TSPAN18: variants seen among roughly 807,000 people sequenced by gnomAD.
TSPAN18 encodes the protein tetraspanin-18.
TSPAN18 carries 14 observed loss-of-function variants against 27.3 expected under a neutral mutation model. That is an observed-to-expected ratio of 0.51 (90% CI 0.34 to 0.80). TSPAN18 has a LOEUF of 0.80. Ranked by LOEUF, TSPAN18 falls within the 30% of genes least tolerant of loss-of-function variation. The pLI is 0.01. For synonymous variants in TSPAN18, 143 were observed against 136.5 expected (o/e 1.05, Z -0.33); for missense variants, 268 against 323.9 (o/e 0.83, Z 1.32).
chr11:44,804,530 G>A (rs1856550667), intron 2 of TSPAN18, among the ~76,000 whole-genome samples: 1 of 152,146 alleles, frequency 6.6e-6, no homozygotes, highest in African/African-American at 2.4e-5. Flanking sequence ...AAAGGAGGGA[G>A]GGAAGGAGGG....
intron 2 of TSPAN18, among the ~76,000 whole-genome samples, chr11:44,853,902 C>CAGGGG (rs1258705561): frequency 6.6e-6 from 1 of 151,900 alleles, no homozygotes; most frequent in East Asian, 1.9e-4. Context: ...AATGAGAGGG[C>CAGGGG]AGGGGAGGGA....
At chr11:44,928,356 C>T (rs774737784) in intron 9 of TSPAN18, among the ~76,000 whole-genome samples, 6 of 152,224 alleles carry the variant, frequency 3.9e-5, no homozygotes, top group African/African-American at 2.4e-5. Context: ...TCACCACCTT[C>T]CTGTGAGCTG....
chr11:44,741,014 CG>C (rs1329619050), intron 1 of TSPAN18, among the ~76,000 whole-genome samples: 2 of 152,148 alleles, frequency 1.3e-5, no homozygotes, highest in Admixed American at 1.3e-4. Flanking sequence ...ATCCGCATCA[CG>C]GGAGTGGGGC....
At chr11:44,731,629 T>TGAGAGAGAGA (rs1192833022) in intron 1 of TSPAN18, among the ~76,000 whole-genome samples, 3 of 62,188 alleles carry the variant, frequency 4.8e-5, no homozygotes, top group Non-Finnish European at 9.9e-5. Flanking sequence ...TGTGTGTGTG[T>TGAGAGAGAGA]GTGTGAGAGA....
chr11:44,846,083 C>T (rs182504677), intron 2 of TSPAN18, among the ~76,000 whole-genome samples: 22 of 152,330 alleles, frequency 1.4e-4, no homozygotes, highest in Admixed American at 4.6e-4. Flanking sequence ...GGCACTGTGC[C>T]GAGTACTTTG....
intron 8 of TSPAN18, among the ~76,000 whole-genome samples, chr11:44,924,097 TTGTG>T (rs57394106): frequency 1.9e-3 from 282 of 145,136 alleles, no homozygotes; most frequent in Non-Finnish European, 2.7e-3. Flanking sequence ...CCTTCTGGGG[TTGTG>T]TGTGTGTGTG....
rs139190430 is a variant in TSPAN18, at chr11:44,833,934, A to G, written c.-152-26394A>G. ...CTTTGTCCATAACCTGCCTGCCCAAAGAGAGCCTGCTGGGCAGGTAAATAA... is the reference window on the plus strand; with the variant it reads ...CTTTGTCCATAACCTGCCTGCCCAAGGAGAGCCTGCTGGGCAGGTAAATAA... On this transcript the variant is annotated intron_variant, in intron 2 of 9. Transcript: ENST00000520358. Among the ~76,000 whole-genome samples, 1,207 of 151,928 alleles carry G rather than the reference A, an allele frequency of 7.9e-3. 11 individuals are homozygous for G. Among genetic ancestry groups the G allele is most frequent in the Middle Eastern group, 0.051 (15 of 294 alleles).
At chr11:44,794,078 G>A (rs952130113) in intron 2 of TSPAN18, among the ~76,000 whole-genome samples, 1 of 152,190 alleles carries the variant, frequency 6.6e-6, no homozygotes, top group African/African-American at 2.4e-5. Context: ...CCAGGAATCA[G>A]CCATTAGAGG....
At chr11:44,773,740 C>T (rs562281023) in intron 2 of TSPAN18, among the ~76,000 whole-genome samples, 32 of 152,266 alleles carry the variant, frequency 2.1e-4, no homozygotes, top group Non-Finnish European at 4.0e-4. Flanking sequence ...TAGCTGAGTC[C>T]TGCAATAGGA....
At chr11:44,791,010 T>A (rs921413994) in intron 2 of TSPAN18, among the ~76,000 whole-genome samples, 2 of 152,180 alleles carry the variant, frequency 1.3e-5, no homozygotes, top group African/African-American at 4.8e-5. Flanking sequence ...GCAGAGTCTA[T>A]CCTGAGACTT....
chr11:44,848,197 G>A (rs1246504730), intron 2 of TSPAN18, among the ~76,000 whole-genome samples: 2 of 152,214 alleles, frequency 1.3e-5, no homozygotes, highest in Non-Finnish European at 2.9e-5. Flanking sequence ...AAAGGAGGAT[G>A]AGGGGCAGGG....
In TSPAN18 at chr11:44,741,447, A is replaced by ATATGTGTGTGTGTGTGTGTG. The variant is rs59390988; in HGVS notation, c.-240+14161_-240+14162insATGTGTGTGTGTGTGTGTGT. On this transcript the variant is annotated intron_variant, in intron 1 of 9. Transcript: ENST00000520358. Reference sequence around the variant, plus strand: ...CTATTCAAACCTGTCTCAGACATGTATGTGTGTGTGTGTGTGTGTGTGTGT... The same window carrying ATATGTGTGTGTGTGTGTGTG: ...CTATTCAAACCTGTCTCAGACATGTATATGTGTGTGTGTGTGTGTGTGTGTGTGTGTGTGTGTGTGTGTGT... Among the ~76,000 whole-genome samples the ATATGTGTGTGTGTGTGTGTG allele has an allele frequency of 4.9e-3, 721 of 147,476 alleles. 5 individuals are homozygous for ATATGTGTGTGTGTGTGTGTG. Among genetic ancestry groups the ATATGTGTGTGTGTGTGTGTG allele is most frequent in the African/African-American group, 0.014 (562 of 40,336 alleles).
At chr11:44,874,064 T>C (rs1858264656) in intron 3 of TSPAN18, among the ~76,000 whole-genome samples, 1 of 152,100 alleles carries the variant, frequency 6.6e-6, no homozygotes, top group African/African-American at 2.4e-5. Flanking sequence ...AGGAGTTGAG[T>C]GGGGTGGGAA....
chr11:44,916,582 A>ATT (rs1859919185), intron 5 of TSPAN18, among the ~76,000 whole-genome samples: 1 of 152,090 alleles, frequency 6.6e-6, no homozygotes, highest in Non-Finnish European at 1.5e-5. Context: ...GGGTCTCCAC[A>ATT]TCCCCATTTT....
intron 3 of TSPAN18, among the ~76,000 whole-genome samples, chr11:44,863,342 A>G (rs1857946546): frequency 6.6e-6 from 1 of 152,228 alleles, no homozygotes; most frequent in African/African-American, 2.4e-5. Context: ...TCTTTCCCGC[A>G]GGCCTCCAGG....
intron 2 of TSPAN18, among the ~76,000 whole-genome samples, chr11:44,828,523 GC>G (rs1857090899): frequency 6.6e-6 from 1 of 152,158 alleles, no homozygotes. Flanking sequence ...TGCGGCAGGG[GC>G]CCCGGAAAGG....
At chr11:44,759,479 TTC>T (rs757977535) in intron 1 of TSPAN18, among the ~76,000 whole-genome samples, 45 of 152,082 alleles carry the variant, frequency 3.0e-4, no homozygotes, top group Non-Finnish European at 6.2e-4. Context: ...GGGTCATTCA[TTC>T]TCTCTCTCTT....
At chr11:44,877,332 TG>T (rs1858364687) in intron 3 of TSPAN18, among the ~76,000 whole-genome samples, 2 of 152,224 alleles carry the variant, frequency 1.3e-5, no homozygotes, top group African/African-American at 4.8e-5. Context: ...TGGGTGGGGT[TG>T]GGCAGGGGCA....
chr11:44,856,351 G>C (rs566116276), intron 2 of TSPAN18, among the ~76,000 whole-genome samples: 1 of 152,100 alleles, frequency 6.6e-6, no homozygotes, highest in Non-Finnish European at 1.5e-5. Flanking sequence ...CCCAACAGGC[G>C]GGCTTGGCTC....
Sources: allele counts gnomAD v4.1 joint callset (sites outside exome capture counted in the v4.1 genomes callset), GRCh38; gene constraint gnomAD v4.1.1; transcripts MANE v1.5; gene names NCBI Gene and HGNC (gene_info 2026-07-23, HGNC 2026-07-21).